Variants in KAT6A observed in about 807,000 individuals in gnomAD.
The protein encoded by KAT6A is histone acetyltransferase KAT6A.
In KAT6A, 9 loss-of-function variants were observed where a neutral mutation model predicts 198.4. The ratio of observed to expected loss-of-function variants is 0.05; its 90% CI spans 0.03 to 0.08. KAT6A has a LOEUF of 0.08. Ranked by LOEUF, KAT6A falls within the 10% of genes least tolerant of loss-of-function variation. The pLI, the probability that KAT6A is intolerant of heterozygous loss-of-function variation, is 1.00. For synonymous variants in KAT6A, 890 were observed against 883.0 expected (o/e 1.01, Z -0.14); for missense variants, 2,077 against 2,509.9 (o/e 0.83, Z 3.69).
At chr8:42,030,342 G>C (rs1426680605) in intron 2 of KAT6A, among the ~76,000 whole-genome samples, 1 of 152,126 alleles carries the variant, frequency 6.6e-6, no homozygotes, top group African/African-American at 2.4e-5. Flanking sequence ...GCCAATCCCA[G>C]CCAGGCCAGC....
At chr8:41,951,393 AAAC>A (rs1268783114) in intron 9 of KAT6A, among the ~76,000 whole-genome samples, 1 of 152,216 alleles carries the variant, frequency 6.6e-6, no homozygotes, top group Non-Finnish European at 1.5e-5. Flanking sequence ...GAAATATTAT[AAAC>A]AACTGCTGTT....
At chr8:41,981,024 T>TA (rs1458779048) in intron 4 of KAT6A, 97 bp from the exon 5 acceptor site, 16 of 881,004 alleles carry the variant, frequency 1.8e-5, no homozygotes, top group Non-Finnish European at 2.8e-5. Context: ...TCAGGGATCT[T>TA]AAAAAAAGAG....
rs1821528274 is a variant in KAT6A at position 41,931,270 on chromosome 8, CGT to C, written c.*933_*934del. ...ATACTAGAAACAAGAGGCTGGGTGG[CGT>C]GTGTGTGCGTTATGGCTGATTCACC... On this transcript the variant is annotated 3_prime_UTR_variant, in exon 17 of 17. Coordinates refer to ENST00000265713, the MANE Select transcript of KAT6A (RefSeq NM_006766.5). 9.1e-6 allele frequency: 2 copies of C among 219,114 alleles called. No individual in the cohort carries two copies. Among genetic ancestry groups the C allele is most frequent in the Middle Eastern group, 1.4e-3 (1 of 702 alleles). 13.6% of individuals were successfully genotyped at this position (219,114 alleles called of 1,614,324 possible). A position where few individuals can be genotyped will look rare whatever the true frequency, so the allele number is the denominator to read the frequency against.
intron 2 of KAT6A, among the ~76,000 whole-genome samples, chr8:42,004,323 G>C (rs1825636374): frequency 6.6e-6 from 1 of 152,142 alleles, no homozygotes; most frequent in Non-Finnish European, 1.5e-5. Flanking sequence ...AAGCCTGAAG[G>C]ATTCAGGAAA....
chr8:42,008,948 G>A (rs1250879327), intron 2 of KAT6A, among the ~76,000 whole-genome samples: 3 of 152,170 alleles, frequency 2.0e-5, no homozygotes, highest in Non-Finnish European at 4.4e-5. Flanking sequence ...AAGATGAAGA[G>A]AGCAATTTTT....
At chr8:41,987,243 G>A (rs773664051) in intron 3 of KAT6A, among the ~76,000 whole-genome samples, 1 of 152,138 alleles carries the variant, frequency 6.6e-6, no homozygotes, top group African/African-American at 2.4e-5. Context: ...TGTGTAGTAG[G>A]CCATCCCTCT....
intron 8 of KAT6A, among the ~76,000 whole-genome samples, chr8:41,966,849 T>C (rs1267164765): frequency 6.6e-6 from 1 of 152,154 alleles, no homozygotes; most frequent in Non-Finnish European, 1.5e-5. Flanking sequence ...TTATTGTGAT[T>C]AAGGGTACAG....
At position 41,934,563 on chromosome 8, in the gene KAT6A, T is replaced by C. The variant is rs7820342; in HGVS notation, c.3657A>G (p.Leu1219=). The C allele has an allele frequency of 6.2e-7, 1 of 1,613,970 alleles. No homozygotes were observed. Among genetic ancestry groups the C allele is most frequent in the Non-Finnish European group, 8.5e-7 (1 of 1,179,984 alleles). ...ETVEPKEDMP[L]PEERKEEEEM... ...CCTCCTCCTCCTTCCTCTCCTCGGG[T>C]AGGGGCATGTCTTCTTTTGGCTCAA... The change falls in exon 17 of 17, where the codon CTA becomes CTG. Residue 1219 remains leucine (L), a synonymous_variant. Coordinates refer to ENST00000265713, the MANE Select transcript of KAT6A (RefSeq NM_006766.5).
At chr8:41,950,763 GCA>G (rs1162151041) in intron 9 of KAT6A, among the ~76,000 whole-genome samples, 5 of 152,106 alleles carry the variant, frequency 3.3e-5, no homozygotes, top group African/African-American at 1.2e-4. Context: ...TTAGGTCTCA[GCA>G]CAGAGACATG....
chr8:42,025,631 G>C (rs1171943912), intron 2 of KAT6A, among the ~76,000 whole-genome samples: 2 of 152,074 alleles, frequency 1.3e-5, no homozygotes, highest in Non-Finnish European at 2.9e-5. Flanking sequence ...TTTGAGTTGA[G>C]TTCCTTGTAC....
intron 2 of KAT6A, among the ~76,000 whole-genome samples, 182 bp from the exon 3 acceptor site, chr8:41,987,745 T>C (rs531787924): frequency 2.6e-5 from 4 of 152,360 alleles, no homozygotes; most frequent in East Asian, 1.9e-4. Flanking sequence ...CCTTTACAAC[T>C]GGTCCTTGTT....
intron 7 of KAT6A, 40 bp downstream of exon 7, chr8:41,976,968 C>G (rs1262115674): frequency 6.9e-7 from 1 of 1,446,518 alleles, no homozygotes; most frequent in Non-Finnish European, 9.4e-7. Context: ...AATACATGTA[C>G]AGAATACTAT....
At chr8:42,014,120 T>TA (rs375690984) in intron 2 of KAT6A, among the ~76,000 whole-genome samples, 2,335 of 147,606 alleles carry the variant, frequency 0.016, 24 homozygotes, top group African/African-American at 0.035. Context: ...TTAGAATTGT[T>TA]AAAAAAAAAA....
intron 8 of KAT6A, among the ~76,000 whole-genome samples, chr8:41,967,687 G>A (rs903789295): frequency 2.3e-4 from 35 of 151,950 alleles, no homozygotes; most frequent in African/African-American, 7.2e-4. Flanking sequence ...TTCTTAACCC[G>A]GTCTATCATT....
At chr8:42,040,952 C>T (rs1024885698) in intron 2 of KAT6A, among the ~76,000 whole-genome samples, 1 of 151,814 alleles carries the variant, frequency 6.6e-6, no homozygotes, top group Admixed American at 6.6e-5. Flanking sequence ...CAGTGGCTCA[C>T]ACCTATAATC....
chr8:41,968,599 AT>A lies in KAT6A; in HGVS notation c.1482+6104del, dbSNP rs1190665615. On this transcript the variant is annotated intron_variant, in intron 8 of 16. Coordinates refer to ENST00000265713, the MANE Select transcript of KAT6A (RefSeq NM_006766.5). ...TCAGGGATCTAGAGCTAGAAATACC[AT>A]TTGACCCAGCCATCCCATTACTGGG... Among the ~76,000 whole-genome samples the A allele has an allele frequency of 3.3e-5, 5 of 152,314 alleles. No individual in the cohort carries two copies. The East Asian group carries it at 9.7e-4, about 29-fold the overall frequency.
At chr8:41,945,311 C>T (rs1160085038) in intron 12 of KAT6A, among the ~76,000 whole-genome samples, 1 of 149,726 alleles carries the variant, frequency 6.7e-6, no homozygotes, top group African/African-American at 2.5e-5. Context: ...TTGCTCGTCA[C>T]CCAGGCTAGA....
intron 8 of KAT6A, among the ~76,000 whole-genome samples, chr8:41,966,791 T>C (rs539558697): frequency 2.6e-5 from 4 of 152,110 alleles, no homozygotes; most frequent in Non-Finnish European, 4.4e-5. Flanking sequence ...ACATGCCTAA[T>C]GATTTTGCTA....
intron 2 of KAT6A, among the ~76,000 whole-genome samples, chr8:42,023,791 T>G (rs1353245325): frequency 6.6e-6 from 1 of 150,810 alleles, no homozygotes; most frequent in Admixed American, 6.6e-5. Context: ...CCAGCCTACT[T>G]ACTTTATATC....
Sources: gnomAD v4.1 joint callset for allele counts (sites outside exome capture counted in the v4.1 genomes callset) on GRCh38, gnomAD v4.1.1 for gene constraint, MANE v1.5 for transcripts, NCBI Gene and HGNC (gene_info 2026-07-23, HGNC 2026-07-21) for gene names.